The following B3GALT1 variants were observed in gnomAD, a reference collection of about 807,000 sequenced individuals.
The protein encoded by B3GALT1 is beta-1,3-galactosyltransferase 1.
Under a neutral mutation model 23.2 loss-of-function variants are expected in B3GALT1, and 10 were observed. The ratio of observed to expected loss-of-function variants is 0.43; its 90% CI spans 0.27 to 0.73. The LOEUF (loss-of-function observed/expected upper bound fraction) is 0.73, where lower values mean the gene tolerates loss of function less well. Among genes scored for constraint, B3GALT1 ranks in the 30% least tolerant of loss-of-function variants. The pLI is 0.21. For synonymous variants in B3GALT1, 156 were observed against 141.5 expected (o/e 1.10, Z -0.73); for missense variants, 299 against 405.4 (o/e 0.74, Z 2.25).
At chr2:167,778,172 T>G (rs1321925696) in intron 3 of B3GALT1, among the ~76,000 whole-genome samples, 5 of 152,164 alleles carry the variant, frequency 3.3e-5, no homozygotes, top group Admixed American at 6.5e-5. Context: ...CAGATGAACA[T>G]TTGCAGTTAG....
chr2:167,307,841 T>C (rs1378356998), intron 1 of B3GALT1, among the ~76,000 whole-genome samples: 4 of 152,014 alleles, frequency 2.6e-5, no homozygotes, highest in Admixed American at 2.6e-4. Flanking sequence ...GTTAAAATAG[T>C]TGTGAGTCTT....
intron 2 of B3GALT1, among the ~76,000 whole-genome samples, chr2:167,600,476 G>A (rs1282562614): frequency 5.3e-5 from 8 of 152,092 alleles, no homozygotes; most frequent in Non-Finnish European, 8.8e-5. Flanking sequence ...ATCAAATTTA[G>A]ACAATTATCA....
chr2:167,319,974 G>A (rs1199034886), intron 1 of B3GALT1, among the ~76,000 whole-genome samples: 4 of 152,036 alleles, frequency 2.6e-5, no homozygotes, highest in South Asian at 2.1e-4. Flanking sequence ...CATACCTCAG[G>A]TTTCTTATGC....
At chr2:167,609,089 T>C (rs1002566548) in intron 2 of B3GALT1, among the ~76,000 whole-genome samples, 1 of 152,172 alleles carries the variant, frequency 6.6e-6, no homozygotes. Flanking sequence ...ACCCATGACT[T>C]ACTTATATTT....
rs113372800 is a variant in B3GALT1, at chr2:167,830,661, C to T, written c.-230+11868C>T. Among the ~76,000 whole-genome samples the T allele has an allele frequency of 1.7e-3, 255 of 152,262 alleles. 2 individuals are homozygous for T. Among genetic ancestry groups the T allele is most frequent in the African/African-American group, 5.9e-3 (247 of 41,556 alleles). ...CAAAAAACTGATTTCAAACTGTAGCCGTTTGAAAATATATACCACCAAAAA... is the reference window on the plus strand; with the variant it reads ...CAAAAAACTGATTTCAAACTGTAGCTGTTTGAAAATATATACCACCAAAAA... On this transcript the variant is annotated intron_variant, in intron 4 of 4. Transcript: ENST00000392690.
intron 1 of B3GALT1, among the ~76,000 whole-genome samples, chr2:167,408,891 A>G (rs1317444499): frequency 3.3e-5 from 5 of 152,128 alleles, no homozygotes; most frequent in African/African-American, 1.2e-4. Context: ...AAATGGAAAG[A>G]TATTGCATGT....
chr2:167,766,903 C>G (rs80289429), intron 3 of B3GALT1, among the ~76,000 whole-genome samples: 404 of 152,262 alleles, frequency 2.7e-3, no homozygotes, highest in Non-Finnish European at 4.5e-3. Context: ...TTGTCATGAC[C>G]TTTTTACCCT....
intron 1 of B3GALT1, among the ~76,000 whole-genome samples, chr2:167,315,146 G>T (rs1696693181): frequency 6.6e-6 from 1 of 152,084 alleles, no homozygotes; most frequent in South Asian, 2.1e-4. Flanking sequence ...GAGCTTGTTT[G>T]ACATAATAAA....
At chr2:167,867,116 C>G (rs6758138) in intron 4 of B3GALT1, among the ~76,000 whole-genome samples, 2 of 152,100 alleles carry the variant, frequency 1.3e-5, no homozygotes, top group South Asian at 2.1e-4. Context: ...TTAGTAGAGA[C>G]GGGGTTTCAC....
chr2:167,551,685 G>A (rs1683750146), intron 2 of B3GALT1, among the ~76,000 whole-genome samples: 1 of 152,152 alleles, frequency 6.6e-6, no homozygotes, highest in Non-Finnish European at 1.5e-5. Flanking sequence ...AATGCAAATT[G>A]CCCAGATGAG....
rs370770724 is a variant in B3GALT1 at position 167,556,614 on chromosome 2, T to C, written c.-410+66337T>C. Reference sequence around the variant, plus strand: ...TTTAAACTCAAGAACCTCACTACTTTATTAAAATCTAGAGCTAAGACAATG... The same window carrying C: ...TTTAAACTCAAGAACCTCACTACTTCATTAAAATCTAGAGCTAAGACAATG... On this transcript the variant is annotated intron_variant, in intron 2 of 4. Transcript: ENST00000392690. Among the ~76,000 whole-genome samples, 253 of 152,318 alleles carry C rather than the reference T, an allele frequency of 1.7e-3. 2 individuals carry two copies. The highest frequency in any genetic ancestry group is 5.7e-3 in the African/African-American group (237 of 41,578).
intron 3 of B3GALT1, among the ~76,000 whole-genome samples, chr2:167,703,508 TA>T (rs1280712672): frequency 7.6e-6 from 1 of 131,010 alleles, no homozygotes; most frequent in Non-Finnish European, 1.7e-5. Context: ...AAATTAAGGT[TA>T]AAAACAGGAA....
intron 1 of B3GALT1, among the ~76,000 whole-genome samples, chr2:167,463,978 G>A (rs1360547888): frequency 1.3e-5 from 2 of 152,138 alleles, no homozygotes. Flanking sequence ...GACAAGCTGT[G>A]CTTTGGGCTA....
intron 4 of B3GALT1, among the ~76,000 whole-genome samples, chr2:167,862,087 G>A (rs1420085719): frequency 6.6e-6 from 1 of 152,162 alleles, no homozygotes; most frequent in Non-Finnish European, 1.5e-5. Flanking sequence ...AGAAATCAGT[G>A]TTGACTTGTA....
At chr2:167,814,578 A>G (rs1229150984) in intron 3 of B3GALT1, among the ~76,000 whole-genome samples, 1 of 151,970 alleles carries the variant, frequency 6.6e-6, no homozygotes, top group Non-Finnish European at 1.5e-5. Flanking sequence ...TGGCTAACAC[A>G]GTGAAATCCC....
At chr2:167,491,814 C>CAA (rs1193719148) in intron 2 of B3GALT1, among the ~76,000 whole-genome samples, 1 of 133,186 alleles carries the variant, frequency 7.5e-6, no homozygotes, top group African/African-American at 2.8e-5. Flanking sequence ...GACTCCATCT[C>CAA]AAAAAAAAAA....
intron 1 of B3GALT1, among the ~76,000 whole-genome samples, chr2:167,303,874 G>C (rs1696501956): frequency 6.6e-6 from 1 of 152,028 alleles, no homozygotes; most frequent in Non-Finnish European, 1.5e-5. Context: ...ATGCCACTGT[G>C]GGTTGGGAGG....
intron 4 of B3GALT1, among the ~76,000 whole-genome samples, chr2:167,831,653 G>A (rs1434055036): frequency 6.6e-6 from 1 of 152,178 alleles, no homozygotes; most frequent in South Asian, 2.1e-4. Flanking sequence ...TTTAAAGGTG[G>A]ATTACTAAGT....
chr2:167,368,536 G>A (rs539145705), intron 1 of B3GALT1, among the ~76,000 whole-genome samples: 1 of 152,178 alleles, frequency 6.6e-6, no homozygotes, highest in African/African-American at 2.4e-5. Context: ...CAGAGGTTAT[G>A]TAAGTAAAAT....
Sources: allele counts gnomAD v4.1 joint callset (sites outside exome capture counted in the v4.1 genomes callset), GRCh38; gene constraint gnomAD v4.1.1; transcripts MANE v1.5; gene names NCBI Gene and HGNC (gene_info 2026-07-23, HGNC 2026-07-21).